Variants in NRP2 observed in about 807,000 individuals in gnomAD.
The protein encoded by NRP2 is neuropilin 2.
In NRP2, 52 loss-of-function variants were observed where a neutral mutation model predicts 110.4. That is an observed-to-expected ratio of 0.47 (90% CI 0.38 to 0.59). NRP2 has a LOEUF of 0.59. Ranked by LOEUF, NRP2 falls within the 20% of genes least tolerant of loss-of-function variation. NRP2 has a pLI of 0.00. For missense variants in NRP2, 1,049 were observed against 1,203.0 expected, an observed-to-expected ratio of 0.87 and a Z score of 1.89; for synonymous variants, 508 against 468.9, an observed-to-expected ratio of 1.08 and a Z score of -1.08.
rs1189781098 is a variant in NRP2 at position 205,765,566 on chromosome 2, C to T, written c.2400C>T (p.Cys800=). Residue 800 remains cysteine, a synonymous_variant, in exon 14 of 17, where the codon TGC becomes TGT. Coordinates refer to ENST00000357785, the MANE Select transcript of NRP2 (RefSeq NM_003872.3). ...GCACTGATGTCCCACTGGAGAACTG[C>T]ATGGGTATGTGAATATCTGTCTCTT... The part of the protein sequence containing the change: ...RISTDVPLEN[C]MEPISAFAVD... 1 of 1,610,528 alleles carries T rather than the reference C, an allele frequency of 6.2e-7. No homozygotes were observed. The highest frequency in any genetic ancestry group is 2.2e-5 in the East Asian group (1 of 44,864).
intron 15 of NRP2, chr2:205,768,139 C>T (rs545964485): frequency 6.6e-6 from 1 of 152,262 alleles, no homozygotes; most frequent in Non-Finnish European, 1.5e-5. Context: ...TCTTACCCTT[C>T]CTCGTGTCCC....
intron 15 of NRP2, among the ~76,000 whole-genome samples, chr2:205,769,484 G>A (rs2057982526): frequency 1.4e-5 from 2 of 138,634 alleles, no homozygotes; most frequent in Non-Finnish European, 3.1e-5. Flanking sequence ...GTTTTCTGCT[G>A]TGTGTGTGTA....
chr2:205,784,001 G>GAC (rs56303275), intron 15 of NRP2, among the ~76,000 whole-genome samples: 104,853 of 148,716 alleles, frequency 0.71, 37,240 homozygotes, highest in East Asian at 0.81. Flanking sequence ...ATCTCTCTCT[G>GAC]ACACACACAC....
intron 15 of NRP2, among the ~76,000 whole-genome samples, chr2:205,790,849 G>T (rs2058293288): frequency 6.6e-6 from 1 of 152,162 alleles, no homozygotes; most frequent in South Asian, 2.1e-4. Flanking sequence ...GCCTGCAGGT[G>T]CCACTTGCTG....
At chr2:205,688,147 AAG>A (rs1193340293) in intron 1 of NRP2, among the ~76,000 whole-genome samples, 1 of 152,220 alleles carries the variant, frequency 6.6e-6, no homozygotes, top group Non-Finnish European at 1.5e-5. Flanking sequence ...AGAGCAAAAG[AAG>A]AATATCTTTT....
chr2:205,738,306 C>T (rs2057380488), intron 7 of NRP2, among the ~76,000 whole-genome samples: 1 of 152,196 alleles, frequency 6.6e-6, no homozygotes, highest in Non-Finnish European at 1.5e-5. Context: ...GAGAGCAAGC[C>T]AGTGGAGGCC....
intron 3 of NRP2, among the ~76,000 whole-genome samples, chr2:205,721,754 T>C (rs1400932146): frequency 6.6e-6 from 1 of 152,200 alleles, no homozygotes; most frequent in East Asian, 1.9e-4. Flanking sequence ...CTTCCAAATG[T>C]CAATGCACTG....
Position 205,745,762 on chromosome 2 carries a change from T to A in NRP2, c.1658T>A (p.Met553Lys). The part of the protein sequence containing the change: ...TQQPKLFEGN[M>K]HYDTPDIRRF... ...TCCCTGCAGCTGTTCGAAGGGAACA[T>A]GCACTATGACACCCCTGACATCCGA... The change falls in exon 10 of 17, where the codon ATG (methionine) becomes AAG (lysine). Residue 553 changes from methionine (M) to lysine (K), a missense_variant. Coordinates refer to ENST00000357785, the MANE Select transcript of NRP2 (RefSeq NM_003872.3). 6.2e-7 allele frequency: 1 copy of A among 1,614,190 alleles called. No individual in the cohort carries two copies. Among genetic ancestry groups the A allele is most frequent in the Non-Finnish European group, 8.5e-7 (1 of 1,180,020 alleles).
chr2:205,743,057 T>C (rs958866840), intron 8 of NRP2, 146 bp from the exon 9 acceptor site: 1 of 1,498,410 alleles, frequency 6.7e-7, no homozygotes, highest in Non-Finnish European at 9.1e-7. Flanking sequence ...TTAACCACAG[T>C]GCTGTACACA....
chr2:205,752,858 G>C lies in NRP2; in HGVS notation c.1927G>C (p.Gly643Arg), dbSNP rs2105896744. Reference protein sequence around the residue: ...EDDKDLQLPSGFNCNFDFLEE... With the variant: ...EDDKDLQLPSRFNCNFDFLEE... ...AGACAAAGATTTGCAGCTCCCTTCG[G>C]GATTCAATTGCAACTTCGATTTCCT... Residue 643 changes from glycine (G) to arginine (R), a missense_variant, in exon 12 of 17, where the codon GGA (glycine) becomes CGA (arginine). Coordinates refer to ENST00000357785, the MANE Select transcript of NRP2 (RefSeq NM_003872.3). 3 of 1,614,140 alleles carry C rather than the reference G, an allele frequency of 1.9e-6. No homozygotes were observed. The highest frequency in any genetic ancestry group is 2.5e-6 in the Non-Finnish European group (3 of 1,180,022).
At chr2:205,723,427 A>C (rs552748887) in intron 4 of NRP2, among the ~76,000 whole-genome samples, 9 of 152,342 alleles carry the variant, frequency 5.9e-5, no homozygotes, top group South Asian at 4.1e-4. Flanking sequence ...TTGTAGGCCC[A>C]GCTCTGCTAT....
At chr2:205,703,902 G>A (rs76215559) in intron 2 of NRP2, among the ~76,000 whole-genome samples, 6,496 of 152,220 alleles carry the variant, frequency 0.043, 177 homozygotes, top group Middle Eastern at 0.082. Flanking sequence ...CCCTTTTCCC[G>A]GTGAAGAGGT....
chr2:205,711,004 T>C (rs777320236), intron 2 of NRP2, among the ~76,000 whole-genome samples: 25 of 152,212 alleles, frequency 1.6e-4, no homozygotes, highest in Non-Finnish European at 3.2e-4. Context: ...ACTCAAAATG[T>C]TATATTTCAT....
rs950560013 is a variant in NRP2, at chr2:205,688,843, CA to C, written c.73+5487del. On this transcript the variant is annotated intron_variant, in intron 1 of 16. Coordinates refer to ENST00000357785, the MANE Select transcript of NRP2 (RefSeq NM_003872.3). ...GAGAGAAATAGGAGTTGGCAAAAAA[CA>C]AAAAAACAAAACAAAACAAAAAAAA... Among the ~76,000 whole-genome samples, 4 of 131,764 alleles carry C rather than the reference CA, an allele frequency of 3.0e-5. No individual in the cohort carries two copies. The East Asian group carries it at 1.0e-3, about 33-fold the overall frequency. 86.4% of individuals were successfully genotyped at this position (131,764 alleles called of 152,430 possible).
At chr2:205,722,258 T>C in intron 3 of NRP2, 1 of 578,518 alleles carries the variant, frequency 1.7e-6, no homozygotes, top group Non-Finnish European at 3.1e-6. Context: ...ATTGCTGCTC[T>C]CACTCTAATA....
At chr2:205,739,455 C>T (rs1045118904) in intron 7 of NRP2, among the ~76,000 whole-genome samples, 2 of 152,130 alleles carry the variant, frequency 1.3e-5, no homozygotes, top group African/African-American at 4.8e-5. Context: ...TGTTGGTGCC[C>T]CCAAACACTT....
intron 2 of NRP2, among the ~76,000 whole-genome samples, chr2:205,713,818 A>G (rs1042978845): frequency 6.6e-6 from 1 of 152,214 alleles, no homozygotes; most frequent in Non-Finnish European, 1.5e-5. Context: ...TTTTCAAAAT[A>G]TATGCACAAA....
rs1178413342 is a variant in NRP2, at chr2:205,740,622, G to A, written c.1250G>A (p.Gly417Asp). 2 of 1,614,250 alleles carry A rather than the reference G, an allele frequency of 1.2e-6. No individual in the cohort carries two copies. The highest frequency in any genetic ancestry group is 1.7e-5 in the Admixed American group (1 of 60,026). The stretch of plus-strand genomic sequence containing the variant: ...ATCCGCCCTCAGACCTGGCACTCAG[G>A]TATCGCCCTCCGGCTGGAGCTCTTC... The part of the protein sequence containing the change: ...VRIRPQTWHS[G>D]IALRLELFGC... Residue 417 changes from glycine to aspartate, a missense_variant, in exon 8 of 17, where the codon GGT becomes GAT. By Grantham distance (94) the Gly-to-Asp change is moderately conservative. Coordinates refer to ENST00000357785, the MANE Select transcript of NRP2 (RefSeq NM_003872.3).
At chr2:205,688,606 A>G (rs2105864931) in intron 1 of NRP2, among the ~76,000 whole-genome samples, 1 of 152,320 alleles carries the variant, frequency 6.6e-6, no homozygotes, top group South Asian at 2.1e-4. Flanking sequence ...TCAAGTTTAG[A>G]TAAGGCTGAG....
Sources: allele counts gnomAD v4.1 joint callset (sites outside exome capture counted in the v4.1 genomes callset), GRCh38; gene constraint gnomAD v4.1.1; transcripts MANE v1.5; gene names NCBI Gene and HGNC (gene_info 2026-07-23, HGNC 2026-07-21).